WWC2: variants seen among roughly 807,000 people sequenced by gnomAD.
The protein encoded by WWC2 is protein WWC2.
Under a neutral mutation model 138.5 loss-of-function variants are expected in WWC2, and 101 were observed. That is an observed-to-expected ratio of 0.73 (90% confidence interval 0.62 to 0.86). The LOEUF (loss-of-function observed/expected upper bound fraction) is 0.86, where lower values mean the gene tolerates loss of function less well. Ranked by LOEUF, WWC2 falls within the 40% of genes least tolerant of loss-of-function variation. WWC2 has a pLI of 0.00. For synonymous variants in WWC2, 558 were observed against 538.4 expected, an observed-to-expected ratio of 1.04 and a Z score of -0.50; for missense variants, 1,420 against 1,419.4, an observed-to-expected ratio of 1.00 and a Z score of -0.01.
chr4:183,278,660 G>T (rs1737952213), intron 16 of WWC2, among the ~76,000 whole-genome samples: 1 of 152,028 alleles, frequency 6.6e-6, no homozygotes, highest in African/African-American at 2.4e-5. Context: ...TCCTTGAGCA[G>T]TGGTTTGTAG....
chr4:183,262,946 TG>T (rs1737377861), intron 11 of WWC2, among the ~76,000 whole-genome samples: 1 of 152,170 alleles, frequency 6.6e-6, no homozygotes, highest in Admixed American at 6.5e-5. Context: ...CAGTAATCCT[TG>T]TGTCAGGCTG....
intron 1 of WWC2, among the ~76,000 whole-genome samples, chr4:183,128,657 G>A (rs1208902118): frequency 6.6e-6 from 1 of 152,136 alleles, no homozygotes; most frequent in Admixed American, 6.5e-5. Context: ...TTCTAGGTAG[G>A]TAGGGGCCAT....
At chr4:183,113,522 GCGTGCGCGCGCACATGCA>G (rs1561420316) in intron 1 of WWC2, among the ~76,000 whole-genome samples, 8 of 147,546 alleles carry the variant, frequency 5.4e-5, no homozygotes, top group East Asian at 2.1e-4. Flanking sequence ...GTGTGCGCGC[GCGTGCGCGCGCACATGCA>G]CGTGCATGCA....
At chr4:183,175,229 T>C (rs891503466) in intron 1 of WWC2, among the ~76,000 whole-genome samples, 2 of 152,140 alleles carry the variant, frequency 1.3e-5, no homozygotes, top group Non-Finnish European at 2.9e-5. Flanking sequence ...TAGCATAAAT[T>C]ATATAGTTTC....
intron 1 of WWC2, among the ~76,000 whole-genome samples, chr4:183,146,867 A>G (rs1458025750): frequency 6.6e-6 from 1 of 152,238 alleles, no homozygotes; most frequent in Non-Finnish European, 1.5e-5. Flanking sequence ...GAGACAGGTA[A>G]GCAAGGATCA....
chr4:183,269,722 T>C, intron 15 of WWC2: 1 of 315,696 alleles, frequency 3.2e-6, no homozygotes, highest in South Asian at 2.8e-5. Flanking sequence ...CACTGAGTAC[T>C]ATATAGTACC....
intron 1 of WWC2, among the ~76,000 whole-genome samples, chr4:183,184,253 CT>C (rs1734730074): frequency 6.6e-6 from 1 of 152,168 alleles, no homozygotes; most frequent in Non-Finnish European, 1.5e-5. Context: ...TGCCTGGCTT[CT>C]TTCACTTAGC....
rs748273697 is a variant in WWC2 at position 183,259,642 on chromosome 4, G to C, written c.1200G>C (p.Leu400Phe). The change falls in exon 10 of 23, where the codon TTG (leucine) becomes TTC (phenylalanine). Residue 400 changes from leucine to phenylalanine, a missense_variant. By Grantham distance (22) the Leu-to-Phe change is conservative. Coordinates refer to ENST00000403733, the MANE Select transcript of WWC2 (RefSeq NM_024949.6). The stretch of plus-strand genomic sequence containing the variant: ...AAATAATTTTTTTTCTTCCTAGATT[G>C]AGATTGGAAGAGAGAAGAAAAGAGC... ...GTPSRALAERLRLEERRKELL... is the reference protein window; with the variant it reads ...GTPSRALAERFRLEERRKELL... 5 of 1,523,820 alleles carry C rather than the reference G, an allele frequency of 3.3e-6. No individual in the cohort carries two copies. Among genetic ancestry groups the C allele is most frequent in the Non-Finnish European group, 2.6e-6 (3 of 1,136,682 alleles). 94.4% of individuals were successfully genotyped at this position (1,523,820 alleles called of 1,614,324 possible).
At chr4:183,262,867 C>T (rs1580123322) in intron 11 of WWC2, among the ~76,000 whole-genome samples, 1 of 152,136 alleles carries the variant, frequency 6.6e-6, no homozygotes, top group Admixed American at 6.5e-5. Flanking sequence ...TAGTCACCAA[C>T]GTGTTTGGGT....
At chr4:183,137,211 TAATC>T (rs1342881541) in intron 1 of WWC2, among the ~76,000 whole-genome samples, 1 of 152,162 alleles carries the variant, frequency 6.6e-6, no homozygotes, top group African/African-American at 2.4e-5. Flanking sequence ...TTTTCTTCAG[TAATC>T]AATGCTAACT....
At chr4:183,105,713 AC>A (rs1251091661) in intron 1 of WWC2, among the ~76,000 whole-genome samples, 1 of 152,052 alleles carries the variant, frequency 6.6e-6, no homozygotes, top group African/African-American at 2.4e-5. Flanking sequence ...ACACAGTGAA[AC>A]CCTGTCTCTA....
chr4:183,148,067 C>T (rs981505492), intron 1 of WWC2, among the ~76,000 whole-genome samples: 1 of 152,126 alleles, frequency 6.6e-6, no homozygotes, highest in African/African-American at 2.4e-5. Context: ...TAAAGCCAAC[C>T]TTATACTCTG....
chr4:183,279,128 C>G (rs1737975957), intron 16 of WWC2, among the ~76,000 whole-genome samples: 1 of 151,798 alleles, frequency 6.6e-6, no homozygotes, highest in African/African-American at 2.4e-5. Context: ...TCATAGATAG[C>G]TCTTATTTTG....
rs1420705563 is a variant in WWC2 at position 183,265,750 on chromosome 4, A to G, written c.2102A>G (p.Gln701Arg). 6.2e-7 allele frequency: 1 copy of G among 1,611,282 alleles called. No homozygotes were observed. Among genetic ancestry groups the G allele is most frequent in the African/African-American group, 1.3e-5 (1 of 74,918 alleles). ...EEDVAIVETA[Q>R]VQIGLRYNAK... ...GATGTAGCCATTGTAGAGACCGCCC[A>G]GGTTCAGATAGGACTCAGGTAAGGA... The change falls in exon 13 of 23, where the codon CAG (glutamine) becomes CGG (arginine). Residue 701 changes from glutamine to arginine, a missense_variant. By Grantham distance (43) the Gln-to-Arg change is conservative. Coordinates refer to ENST00000403733, the MANE Select transcript of WWC2 (RefSeq NM_024949.6).
intron 1 of WWC2, among the ~76,000 whole-genome samples, chr4:183,114,128 T>C (rs1732337749): frequency 6.6e-6 from 1 of 152,034 alleles, no homozygotes; most frequent in African/African-American, 2.4e-5. Context: ...GGAGGTCGGG[T>C]AGTGGGTGAG....
At chr4:183,141,470 A>G (rs1733297246) in intron 1 of WWC2, among the ~76,000 whole-genome samples, 1 of 152,150 alleles carries the variant, frequency 6.6e-6, no homozygotes, top group South Asian at 2.1e-4. Context: ...GCTTCAACGT[A>G]TACATTTGTG....
chr4:183,177,957 T>G, intron 1 of WWC2, among the ~76,000 whole-genome samples: 1 of 152,110 alleles, frequency 6.6e-6, no homozygotes, highest in Non-Finnish European at 1.5e-5. Context: ...TCACTGAGAG[T>G]CAATGCTGGG....
At chr4:183,242,515 G>A (rs1736655281) in intron 5 of WWC2, among the ~76,000 whole-genome samples, 2 of 152,190 alleles carry the variant, frequency 1.3e-5, no homozygotes, top group African/African-American at 4.8e-5. Flanking sequence ...GGCCTAAGCA[G>A]CAGTGTAGTA....
chr4:183,203,315 C>A (rs112403639), intron 2 of WWC2, among the ~76,000 whole-genome samples: 1 of 151,856 alleles, frequency 6.6e-6, no homozygotes, highest in African/African-American at 2.4e-5. Flanking sequence ...TAGTTTTTCA[C>A]AATGCGGGTA....
Sources: allele counts gnomAD v4.1 joint callset (sites outside exome capture counted in the v4.1 genomes callset), GRCh38; gene constraint gnomAD v4.1.1; transcripts MANE v1.5; gene names NCBI Gene and HGNC (gene_info 2026-07-23, HGNC 2026-07-21).